Variants in XKR9 observed in about 807,000 individuals in gnomAD.
XKR9 encodes XK-related protein 9.
XKR9 carries 32 observed loss-of-function variants against 32.0 expected under a neutral mutation model. The observed-to-expected ratio is 1.00, with a 90% CI of 0.76 to 1.34. The LOEUF is 1.34. Ranked by LOEUF, XKR9 falls within the 40% of genes most tolerant of loss-of-function variation. The probability of loss-of-function intolerance (pLI) is 0.00; values close to 1 mark genes in which losing one functional copy is unlikely to be tolerated. For synonymous variants in XKR9, 168 were observed against 143.4 expected, an observed-to-expected ratio of 1.17 and a Z score of -1.22; for missense variants, 546 against 429.7, an observed-to-expected ratio of 1.27 and a Z score of -2.39.
At chr8:70,928,250 G>T in the XKR9 span, among the ~76,000 whole-genome samples, 5 of 152,012 alleles carry the variant, frequency 3.3e-5, no homozygotes, top group Non-Finnish European at 7.4e-5. Flanking sequence ...TTGCTCTGTT[G>T]CCCAGGCTGG....
chr8:70,858,150 C>A, the XKR9 span, among the ~76,000 whole-genome samples: 1 of 152,048 alleles, frequency 6.6e-6, no homozygotes, highest in South Asian at 2.1e-4. Flanking sequence ...AAAGGGTATT[C>A]AATTAGGAAA....
At chr8:70,690,879 A>G (rs146323293) in intron 3 of XKR9, among the ~76,000 whole-genome samples, 3,342 of 152,216 alleles carry the variant, frequency 0.022, 137 homozygotes, top group African/African-American at 0.076. Context: ...CAGTGCTGCA[A>G]TGAACACTTG....
chr8:70,978,084 T>C, the XKR9 span, among the ~76,000 whole-genome samples: 1 of 152,204 alleles, frequency 6.6e-6, no homozygotes, highest in African/African-American at 2.4e-5. Flanking sequence ...TTCCATTTGC[T>C]TGGTAGATCT....
chr8:70,932,392 T>C, the XKR9 span, among the ~76,000 whole-genome samples: 35 of 152,172 alleles, frequency 2.3e-4, no homozygotes, highest in South Asian at 6.8e-3. Context: ...AGGATGCAAA[T>C]ATTCAGCAAA....
At chr8:70,736,976 TTAAAG>T (rs1157790189), downstream of XKR9, among the ~76,000 whole-genome samples, 1,608 of 152,318 alleles carry the variant, frequency 0.011, 36 homozygotes, top group African/African-American at 0.037. Flanking sequence ...CATATGAACT[TTAAAG>T]TAGTTTTTTC....
the XKR9 span, among the ~76,000 whole-genome samples, chr8:70,945,063 C>A: frequency 2.6e-5 from 4 of 152,110 alleles, no homozygotes; most frequent in Non-Finnish European, 5.9e-5. Flanking sequence ...AGATTATTTT[C>A]TTAATAAACA....
chr8:71,021,652 G>A, the XKR9 span, among the ~76,000 whole-genome samples: 3 of 152,018 alleles, frequency 2.0e-5, no homozygotes, highest in East Asian at 1.9e-4. Context: ...ACAGGCACGC[G>A]CCACCATGCC....
chr8:70,960,098 TTG>T, the XKR9 span, among the ~76,000 whole-genome samples: 2 of 151,930 alleles, frequency 1.3e-5, no homozygotes, highest in African/African-American at 4.8e-5. Context: ...TTTTTGTATT[TTG>T]TGTGTGTGGT....
the XKR9 span, among the ~76,000 whole-genome samples, chr8:71,045,887 C>A: frequency 6.6e-6 from 1 of 152,104 alleles, no homozygotes. Context: ...GTCAGGCATC[C>A]CAGTAGCTGC....
At chr8:70,826,240 A>G in the XKR9 span, among the ~76,000 whole-genome samples, 1 of 152,218 alleles carries the variant, frequency 6.6e-6, no homozygotes, top group South Asian at 2.1e-4. Context: ...TAGCCTCCCA[A>G]GTGTGGACCG....
the XKR9 span, among the ~76,000 whole-genome samples, chr8:70,905,169 C>T: frequency 6.6e-6 from 1 of 152,072 alleles, no homozygotes; most frequent in Non-Finnish European, 1.5e-5. Context: ...TGTTTGCCTG[C>T]CTTGCTAGGT....
At chr8:70,705,451 G>T (rs1285243750) in intron 3 of XKR9, among the ~76,000 whole-genome samples, 1 of 152,152 alleles carries the variant, frequency 6.6e-6, no homozygotes, top group African/African-American at 2.4e-5. Context: ...GCATCTATAA[G>T]TAAGTAATAT....
chr8:70,902,811 C>T, the XKR9 span, among the ~76,000 whole-genome samples: 1 of 152,130 alleles, frequency 6.6e-6, no homozygotes, highest in South Asian at 2.1e-4. Flanking sequence ...TCATCAGTAC[C>T]TTGTTTATTG....
the XKR9 span, among the ~76,000 whole-genome samples, chr8:70,931,041 T>A: frequency 2.0e-5 from 3 of 152,150 alleles, no homozygotes. Flanking sequence ...GGTAGTAGAC[T>A]TCGTGATATT....
chr8:70,783,377 C>T (rs1008345804), intron 2 of XKR9, among the ~76,000 whole-genome samples: 1 of 152,116 alleles, frequency 6.6e-6, no homozygotes, highest in Non-Finnish European at 1.5e-5. Flanking sequence ...CAGGCACCTG[C>T]CATCACACCC....
the XKR9 span, among the ~76,000 whole-genome samples, chr8:70,866,430 T>G: frequency 2.0e-5 from 3 of 152,162 alleles, no homozygotes; most frequent in Non-Finnish European, 4.4e-5. Flanking sequence ...GGCATTTTCA[T>G]TCAATTACAT....
At chr8:70,702,797 A>G (rs1167732458) in intron 3 of XKR9, among the ~76,000 whole-genome samples, 2 of 152,182 alleles carry the variant, frequency 1.3e-5, no homozygotes, top group Non-Finnish European at 2.9e-5. Flanking sequence ...CTTTATGTTT[A>G]AAGAGAGTCC....
chr8:70,863,196 T>C, the XKR9 span, among the ~76,000 whole-genome samples: 2 of 152,108 alleles, frequency 1.3e-5, no homozygotes, highest in African/African-American at 4.8e-5. Context: ...GCTTCTGGTG[T>C]GTGAAAAGAA....
At chr8:70,776,877 C>T (rs1055292368) in intron 2 of XKR9, among the ~76,000 whole-genome samples, 1 of 149,610 alleles carries the variant, frequency 6.7e-6, no homozygotes, top group Non-Finnish European at 1.5e-5. Context: ...CCATTACATT[C>T]TTCTTATCAA....
Sources: gnomAD v4.1 joint callset for allele counts (sites outside exome capture counted in the v4.1 genomes callset) on GRCh38, gnomAD v4.1.1 for gene constraint, MANE v1.5 for transcripts, NCBI Gene and HGNC (gene_info 2026-07-23, HGNC 2026-07-21) for gene names.